The following MED12L variants were observed in gnomAD, a reference collection of about 807,000 sequenced individuals.
MED12L encodes the protein mediator complex subunit 12L, also known as mediator of RNA polymerase II transcription subunit 12-like protein.
In MED12L, 60 loss-of-function variants were observed where a neutral mutation model predicts 281.3. The ratio of observed to expected loss-of-function variants is 0.21; its 90% confidence interval spans 0.17 to 0.26. The LOEUF is 0.26. Among genes scored for constraint, MED12L ranks in the 10% least tolerant of loss-of-function variants. The pLI, the probability that MED12L is intolerant of heterozygous loss-of-function variation, is 1.00. For missense variants in MED12L, 2,146 were observed against 2,680.9 expected (o/e 0.80, Z 4.41); for synonymous variants, 974 against 987.2 (o/e 0.99, Z 0.25).
chr3:151,138,756 G>A (rs980637893), intron 5 of MED12L, among the ~76,000 whole-genome samples: 1 of 152,170 alleles, frequency 6.6e-6, no homozygotes, highest in Admixed American at 6.5e-5. Flanking sequence ...CTATCACCAT[G>A]ACTTATGACT....
At chr3:151,122,439 G>A (rs77540154) in intron 3 of MED12L, among the ~76,000 whole-genome samples, 6,279 of 152,250 alleles carry the variant, frequency 0.041, 434 homozygotes, top group African/African-American at 0.14. Flanking sequence ...CCTGACGGGT[G>A]CGTAGTATTA....
chr3:151,356,338 G>C (rs1577422343), intron 19 of MED12L, among the ~76,000 whole-genome samples: 1 of 152,030 alleles, frequency 6.6e-6, no homozygotes, highest in South Asian at 2.1e-4. Flanking sequence ...GATGCAATAA[G>C]CCATGATCAT....
At chr3:151,225,227 A>T (rs975145124) in intron 16 of MED12L, among the ~76,000 whole-genome samples, 2 of 152,054 alleles carry the variant, frequency 1.3e-5, no homozygotes, top group African/African-American at 2.4e-5. Context: ...CTCTCTCTGT[A>T]ATTGGCTACA....
chr3:151,349,913 G>A, intron 16 of MED12L, 146 bp from the exon 17 acceptor site: 2 of 548,212 alleles, frequency 3.6e-6, no homozygotes. Context: ...GGTGTTGCCA[G>A]TGGAGGTTGA....
chr3:151,381,025 C>A (rs1174488883), intron 32 of MED12L, among the ~76,000 whole-genome samples: 1 of 152,234 alleles, frequency 6.6e-6, no homozygotes, highest in African/African-American at 2.4e-5. Context: ...ATTGCCTTTT[C>A]ACCAAACACA....
intron 35 of MED12L, among the ~76,000 whole-genome samples, chr3:151,384,452 A>G (rs1712959493): frequency 6.6e-6 from 1 of 152,218 alleles, no homozygotes; most frequent in Non-Finnish European, 1.5e-5. Context: ...TTTTTTAAAG[A>G]ACTTTAGAAA....
intron 3 of MED12L, among the ~76,000 whole-genome samples, chr3:151,117,403 T>G (rs1712990470): frequency 6.6e-6 from 1 of 152,180 alleles, no homozygotes; most frequent in Non-Finnish European, 1.5e-5. Flanking sequence ...GGAGTGTCAT[T>G]CTTTCTAGGC....
At chr3:151,101,532 G>C (rs1463534281) in intron 2 of MED12L, among the ~76,000 whole-genome samples, 1 of 152,136 alleles carries the variant, frequency 6.6e-6, no homozygotes, top group Non-Finnish European at 1.5e-5. Flanking sequence ...GAAAAGAGAG[G>C]GCTGGATACA....
intron 16 of MED12L, among the ~76,000 whole-genome samples, chr3:151,293,538 C>A (rs9810067): frequency 6.8e-6 from 1 of 147,780 alleles, no homozygotes. Context: ...TGAAGGTGGG[C>A]TCTGACCTGG....
At chr3:151,265,612 T>C (rs1347881210) in intron 16 of MED12L, among the ~76,000 whole-genome samples, 1 of 152,176 alleles carries the variant, frequency 6.6e-6, no homozygotes, top group Non-Finnish European at 1.5e-5. Context: ...TACAGCAGGC[T>C]CATCATAAGA....
At chr3:151,356,115 A>G (rs2150052919) in intron 19 of MED12L, 76 bp downstream of exon 19, 8 of 1,440,806 alleles carry the variant, frequency 5.6e-6, no homozygotes, top group East Asian at 2.4e-5. Context: ...AAGTGAGCCA[A>G]TTAGCTGGGC....
Position 151,159,947 on chromosome 3 carries a change from C to G in MED12L, c.953C>G (p.Pro318Arg). Reference protein sequence around the residue: ...DSPNLLAAHSPHMMIGPNNSS... With the variant: ...DSPNLLAAHSRHMMIGPNNSS... Reference sequence around the variant, plus strand: ...CCCAACCTCCTTGCTGCCCACTCACCCCACATGATGATAGGACCAAACAAC... The same window carrying G: ...CCCAACCTCCTTGCTGCCCACTCACGCCACATGATGATAGGACCAAACAAC... The change falls in exon 8 of 45, where the codon CCC becomes CGC. Residue 318 changes from proline (P) to arginine (R), a missense_variant. Pro to Arg is a moderately radical substitution (Grantham distance 103). Around this residue, in one of 9 missense-constraint regions of MED12L, gnomAD observed 722 missense variants for 861.2 expected, o/e 0.84. Coordinates refer to ENST00000687756, the MANE Select transcript of MED12L (RefSeq NM_001393769.1). The G allele has an allele frequency of 6.2e-7, 1 of 1,614,174 alleles. No homozygotes were observed. Among genetic ancestry groups the G allele is most frequent in the Non-Finnish European group, 8.5e-7 (1 of 1,180,028 alleles).
chr3:151,333,351 C>G (rs1156787223), intron 16 of MED12L, among the ~76,000 whole-genome samples: 1 of 152,218 alleles, frequency 6.6e-6, no homozygotes, highest in Admixed American at 6.5e-5. Context: ...AACTAATTTA[C>G]TTTCCCACCA....
In MED12L at chr3:151,355,245, T is replaced by C. The variant is rs7615865; in HGVS notation, c.2517+6T>C. The C allele has an allele frequency of 0.7, 1,114,657 of 1,590,704 alleles. 395,713 individuals carry two copies. The highest frequency in any genetic ancestry group is 0.92 in the African/African-American group (68,735 of 74,392). On this transcript the variant is annotated splice_donor_region_variant and intron_variant, in intron 18 of 44. Transcript: ENST00000687756. ...AACATCAAGTGACATCTCAGGTAGC[T>C]ATTTAAAGCTGTTTATTATGCATTT... is the stretch of plus-strand genomic sequence containing the variant.
intron 16 of MED12L, among the ~76,000 whole-genome samples, chr3:151,244,738 G>T (rs1212609562): frequency 6.6e-6 from 1 of 151,850 alleles, no homozygotes; most frequent in Non-Finnish European, 1.5e-5. Flanking sequence ...ACATTCAAAA[G>T]CTAGCAGAAG....
intron 17 of MED12L, among the ~76,000 whole-genome samples, chr3:151,353,951 C>T (rs2150039950): frequency 6.6e-6 from 1 of 151,690 alleles, no homozygotes; most frequent in African/African-American, 2.4e-5. Flanking sequence ...ACCATCCCGG[C>T]TAACACGGTG....
chr3:151,295,147 G>A (rs751031771), intron 16 of MED12L: 1 of 1,613,392 alleles, frequency 6.2e-7, no homozygotes, highest in Admixed American at 1.7e-5. Context: ...GAAGGGTGGT[G>A]TTCTTTCCTG....
At chr3:151,419,517 C>A (rs4680420) in intron 43 of MED12L, among the ~76,000 whole-genome samples, 101,570 of 151,952 alleles carry the variant, frequency 0.67, 34,949 homozygotes, top group Middle Eastern at 0.87. Context: ...CTGCCTTCCC[C>A]ATCGCACTGA....
intron 16 of MED12L, among the ~76,000 whole-genome samples, chr3:151,194,052 G>C (rs888017261): frequency 5.0e-5 from 7 of 140,968 alleles, no homozygotes; most frequent in African/African-American, 1.8e-4. Context: ...CACAACCTCT[G>C]CCTCCCAGGT....
Sources: allele counts gnomAD v4.1 joint callset (sites outside exome capture counted in the v4.1 genomes callset), GRCh38; gene constraint gnomAD v4.1.1; regional missense constraint gnomAD v4.1.1; transcripts MANE v1.5; gene names NCBI Gene and HGNC (gene_info 2026-07-23, HGNC 2026-07-21).